HRAS: variants seen among roughly 807,000 people sequenced by gnomAD.
HRAS encodes HRas proto-oncogene, GTPase.
HRAS carries 11 observed loss-of-function variants against 19.8 expected under a neutral mutation model. The observed-to-expected ratio is 0.55, with a 90% CI of 0.35 to 0.92. The LOEUF (loss-of-function observed/expected upper bound fraction) is 0.92, where lower values mean the gene tolerates loss of function less well. HRAS is among the 40% of genes least tolerant of loss of function. The probability of loss-of-function intolerance (pLI) is 0.01; values close to 1 mark genes in which losing one functional copy is unlikely to be tolerated. For missense variants in HRAS, 204 were observed against 255.9 expected, an observed-to-expected ratio of 0.80 and a Z score of 1.38; for synonymous variants, 149 against 105.5, an observed-to-expected ratio of 1.41 and a Z score of -2.52.
intron 2 of HRAS, 127 bp downstream of exon 2, chr11:534,085 A>T: frequency 8.6e-7 from 1 of 1,168,752 alleles, no homozygotes; most frequent in Non-Finnish European, 1.3e-6. Context: ...CCCCTCCTCT[A>T]GAGGAAGCAG....
In HRAS at chr11:532,358, C is replaced by CG. The variant is rs1463252537; in HGVS notation, c.*169_*170insC. 9 of 563,556 alleles carry CG rather than the reference C, an allele frequency of 1.6e-5. No homozygotes were observed. The highest frequency in any genetic ancestry group is 2.6e-5 in the Non-Finnish European group (8 of 313,156). The allele number at this position is 563,556 out of a possible 1,614,324, so 34.9% of individuals were successfully genotyped here. The stretch of plus-strand genomic sequence containing the variant: ...TGGCATTTGGGATGTTCAAGACAGT[C>CG]TGTGCACAGCCTCCCTGGGAGGGTC... On this transcript the variant is annotated 3_prime_UTR_variant, in exon 6 of 6. Transcript: ENST00000311189.
intron 2 of HRAS, 49 bp downstream of exon 2, chr11:534,163 G>A (rs762945443): frequency 2.7e-6 from 4 of 1,456,184 alleles, no homozygotes; most frequent in Non-Finnish European, 1.9e-6. Context: ...CTGTGTCCTG[G>A]GCTCGCCCGC....
chr11:533,405 G>T (rs200394288), intron 4 of HRAS, 48 bp downstream of exon 4: 6 of 1,607,538 alleles, frequency 3.7e-6, no homozygotes, highest in Non-Finnish European at 4.2e-6. Flanking sequence ...TGGCTGGGGC[G>T]GGGCGGGGCG....
At chr11:534,019 G>T (rs2133992732) in intron 2 of HRAS, 75 bp from the exon 3 acceptor site, 1 of 1,502,896 alleles carries the variant, frequency 6.7e-7, no homozygotes, top group East Asian at 2.3e-5. Context: ...CCTCTCCCTG[G>T]TACCTCTCAT....
rs1451160542 is a variant in HRAS, at chr11:534,299, C to G, written c.24G>C (p.Val8=). The G allele has an allele frequency of 6.2e-7, 1 of 1,613,158 alleles. No homozygotes were observed. The highest frequency in any genetic ancestry group is 1.3e-5 in the African/African-American group (1 of 74,932). The change falls in exon 2 of 6, where the codon GTG becomes GTC. Residue 8 remains valine (V), a synonymous_variant. Transcript: ENST00000311189. MTEYKLV[V]VGAGGVGKSA... Reference sequence around the variant, plus strand: ...TCTTGCCCACACCGCCGGCGCCCACCACCACCAGCTTATATTCCGTCATCG... The same window carrying G: ...TCTTGCCCACACCGCCGGCGCCCACGACCACCAGCTTATATTCCGTCATCG...
chr11:532,980 G>A (rs112499841), intron 4 of HRAS, among the ~76,000 whole-genome samples: 229 of 152,324 alleles, frequency 1.5e-3, no homozygotes, highest in Admixed American at 3.3e-3. Context: ...AGGGTGGCCC[G>A]GGGCCCTCCT....
chr11:534,359 A>AG lies in HRAS; in HGVS notation c.-38dup. 6.5e-7 allele frequency: 1 copy of AG among 1,536,092 alleles called. No homozygotes were observed. Among genetic ancestry groups the AG allele is most frequent in the African/African-American group, 1.4e-5 (1 of 73,594 alleles). On this transcript the variant is annotated 5_prime_UTR_variant, in exon 2 of 6. It introduces an in-frame stop codon into an upstream open reading frame of the 5' UTR. Transcript: ENST00000311189. ...GGCCTGCGGCCCGGGGTCCTCCTAC[A>AG]GGGTCTCCTGCCCCACCTGCCAAGG...
Position 532,672 on chromosome 11 carries a change from G to A in HRAS, c.534C>T (p.Gly178=), listed in dbSNP as rs770431635. The A allele has an allele frequency of 1.9e-6, 3 of 1,612,992 alleles. No homozygotes were observed. Among genetic ancestry groups the A allele is most frequent in the Non-Finnish European group, 2.5e-6 (3 of 1,179,976 alleles). The part of the protein sequence containing the change: ...LRKLNPPDES[G]PGCMSCKCVL... ...CACACTTGCAGCTCATGCAGCCGGG[G>A]CCACTCTCATCAGGAGGGTTCAGCT... Residue 178 remains glycine, a synonymous_variant, in exon 5 of 6, where the codon GGC becomes GGT. Coordinates refer to ENST00000311189, the MANE Select transcript of HRAS (RefSeq NM_005343.4).
At chr11:533,167 C>G in intron 4 of HRAS, 1 of 1,030,870 alleles carries the variant, frequency 9.7e-7, no homozygotes, top group Non-Finnish European at 1.4e-6. Flanking sequence ...GGGCAGCTCT[C>G]CCCAAGGACC....
chr11:534,702 C>G (rs905122041), intron 1 of HRAS: 2 of 320,806 alleles, frequency 6.2e-6, no homozygotes, highest in Non-Finnish European at 1.2e-5. Flanking sequence ...CGCCCGAGGG[C>G]TGAGGTTACC....
rs1851158267 is a variant in HRAS at position 532,463 on chromosome 11, C to T, written c.*65G>A. On this transcript the variant is annotated 3_prime_UTR_variant, in exon 6 of 6. Transcript: ENST00000311189. The stretch of plus-strand genomic sequence containing the variant: ...TCCTTCCTTGCTTCCGTCCTTCCTT[C>T]CTCCTCCTTCCGTCTGCACCTCCTT... 2 of 883,880 alleles carry T rather than the reference C, an allele frequency of 2.3e-6. No homozygotes were observed. Among genetic ancestry groups the T allele is most frequent in the Non-Finnish European group, 3.5e-6 (2 of 579,470 alleles). 54.8% of individuals were successfully genotyped at this position (883,880 alleles called of 1,614,324 possible).
Position 532,664 on chromosome 11 carries a change from C to G in HRAS, c.542G>C (p.Cys181Ser). ...LNPPDESGPGCMSCKCVLS is the reference protein window; with the variant it reads ...LNPPDESGPGSMSCKCVLS ...GGAGAGCACACACTTGCAGCTCATG[C>G]AGCCGGGGCCACTCTCATCAGGAGG... The change falls in exon 5 of 6, where the codon TGC becomes TCC. Residue 181 changes from cysteine (C) to serine (S), a missense_variant. Transcript: ENST00000311189. 6.2e-7 allele frequency: 1 copy of G among 1,612,756 alleles called. No homozygotes were observed. The highest frequency in any genetic ancestry group is 8.5e-7 in the Non-Finnish European group (1 of 1,179,976).
chr11:532,550 ACCGCAGG>A lies in HRAS; in HGVS notation c.*6-35_*6-29del. 7 of 1,551,594 alleles carry A rather than the reference ACCGCAGG, an allele frequency of 4.5e-6. No homozygotes were observed. In the South Asian group the frequency reaches 8.1e-5, roughly 18 times the overall value. ...GGGCGGGGCACAAGGGAGGCTGCTG[ACCGCAGG>A]CCAGGAGACCGGCAGGGGCGGGGAG... On this transcript the variant is annotated intron_variant, in intron 5 of 5. Transcript: ENST00000311189.
Position 532,495 on chromosome 11 carries a change from TCCGGCA to T in HRAS, c.*27_*32del. The T allele has an allele frequency of 8.6e-7, 1 of 1,160,330 alleles. No homozygotes were observed. The highest frequency in any genetic ancestry group is 1.2e-6 in the Non-Finnish European group (1 of 820,184). 71.9% of individuals were successfully genotyped at this position (1,160,330 alleles called of 1,614,324 possible). A position where few individuals can be genotyped will look rare whatever the true frequency, so the allele number is the denominator to read the frequency against. On this transcript the variant is annotated 3_prime_UTR_variant, in exon 6 of 6. Coordinates refer to ENST00000311189, the MANE Select transcript of HRAS (RefSeq NM_005343.4). ...CTTCCGTCTGCACCTCCTTCCTGCA[TCCGGCA>T]CCTCCATGTCCTGAGCTTGTGCTGG...
At position 533,259 on chromosome 11, in the gene HRAS, C is replaced by A. The variant is rs774208137; in HGVS notation, c.450+194G>T. The A allele has an allele frequency of 1.7e-5, 26 of 1,561,896 alleles. No homozygotes were observed. The Admixed American group carries it at 4.4e-4, about 27-fold the overall frequency. On this transcript the variant is annotated intron_variant, in intron 4 of 5. Transcript: ENST00000311189. ...GGCCCTCGCCTCCCTCACTGCCCTG[C>A]CGTCCCGGGAGACTTACAGCGCGAG...
At chr11:532,577 G>C (rs996159995) in intron 5 of HRAS, 54 bp downstream of exon 5, 11 of 1,577,254 alleles carry the variant, frequency 7.0e-6, no homozygotes, top group East Asian at 2.3e-5. Context: ...CGGCAGGGGC[G>C]GGGAGCCGGG....
At position 533,924 on chromosome 11, in the gene HRAS, CA is replaced by C; in HGVS notation, c.131del (p.Val44GlyfsTer60). 6.2e-7 allele frequency: 1 copy of C among 1,612,470 alleles called. No individual in the cohort carries two copies. Among genetic ancestry groups the C allele is most frequent in the Non-Finnish European group, 8.5e-7 (1 of 1,179,990 alleles). ...PTIEDSYRKQVVIDGETCLLD... is the reference protein window; with the variant it reads ...PTIEDSYRKQXVIDGETCLLD... ...ACAGGCACGTCTCCCCATCAATGAC[CA>C]CCTGCTTCCGGTAGGAATCCTGCAG... On this transcript the variant is annotated frameshift_variant, in exon 3 of 6. Coordinates refer to ENST00000311189, the MANE Select transcript of HRAS (RefSeq NM_005343.4). LOFTEE classifies it high-confidence loss of function.
chr11:534,330 C>T lies in HRAS; in HGVS notation c.-8G>A, dbSNP rs2133995380. 6.2e-7 allele frequency: 1 copy of T among 1,609,038 alleles called. No homozygotes were observed. The highest frequency in any genetic ancestry group is 8.5e-7 in the Non-Finnish European group (1 of 1,178,336). On this transcript the variant is annotated 5_prime_UTR_variant, in exon 2 of 6. Transcript: ENST00000311189. ...CAGCTTATATTCCGTCATCGCTCCT[C>T]AGGGGCCTGCGGCCCGGGGTCCTCC... is the stretch of plus-strand genomic sequence containing the variant.
At chr11:534,046 C>T (rs1851296641) in intron 2 of HRAS, 102 bp from the exon 3 acceptor site, 9 of 1,358,086 alleles carry the variant, frequency 6.6e-6, no homozygotes, top group Non-Finnish European at 9.4e-6. Flanking sequence ...CATGCCCCCT[C>T]CTCTCCTGGG....
Sources: allele counts gnomAD v4.1 joint callset (sites outside exome capture counted in the v4.1 genomes callset), GRCh38; gene constraint gnomAD v4.1.1; transcripts MANE v1.5; gene names NCBI Gene and HGNC (gene_info 2026-07-23, HGNC 2026-07-21).